LARP1B: variants seen among roughly 807,000 people sequenced by gnomAD.
The protein encoded by LARP1B is La ribonucleoprotein 1B.
LARP1B carries 76 observed loss-of-function variants against 114.2 expected under a neutral mutation model. The observed-to-expected ratio is 0.67, with a 90% confidence interval of 0.55 to 0.81. LARP1B has a LOEUF of 0.81. LARP1B is among the 30% of genes least tolerant of loss of function. The pLI is 0.00. For synonymous variants in LARP1B, 345 were observed against 348.0 expected (o/e 0.99, Z 0.10); for missense variants, 1,014 against 1,075.8 (o/e 0.94, Z 0.80).
At position 128,064,291 on chromosome 4, in the gene LARP1B, G is replaced by A. The variant is rs1169393329; in HGVS notation, c.-78+2890G>A. Among the ~76,000 whole-genome samples, 73 of 30,904 alleles carry A rather than the reference G, an allele frequency of 2.4e-3. 1 individual carries two copies. Among genetic ancestry groups the A allele is most frequent in the East Asian group, 4.1e-3 (4 of 984 alleles). 20.3% of individuals were successfully genotyped at this position (30,904 alleles called of 152,430 possible). A position where few individuals can be genotyped will look rare whatever the true frequency, so the allele number is the denominator to read the frequency against. ...AGTCTCAAAAAAAAAAAAAAAAAAAGTACGGTGATTGTTACAAGCACCCAT... is the reference window on the plus strand; with the variant it reads ...AGTCTCAAAAAAAAAAAAAAAAAAAATACGGTGATTGTTACAAGCACCCAT... On this transcript the variant is annotated intron_variant, in intron 1 of 19. Transcript: ENST00000326639.
intron 12 of LARP1B, among the ~76,000 whole-genome samples, chr4:128,164,358 G>A (rs1739795504): frequency 6.6e-6 from 1 of 151,982 alleles, no homozygotes; most frequent in African/African-American, 2.4e-5. Flanking sequence ...TGTTAAATTT[G>A]AATACTTTAA....
At chr4:128,093,146 C>T (rs1561167269) in intron 7 of LARP1B, 3 of 478,058 alleles carry the variant, frequency 6.3e-6, no homozygotes, top group Non-Finnish European at 8.2e-6. Flanking sequence ...GTTAGTAGAG[C>T]ACTAGGTTTA....
intron 9 of LARP1B, among the ~76,000 whole-genome samples, chr4:128,110,319 T>A (rs911257656): frequency 2.0e-5 from 3 of 152,058 alleles, no homozygotes; most frequent in African/African-American, 7.2e-5. Context: ...TAATATCAGG[T>A]AATCTAAGTC....
chr4:128,064,785 T>C (rs1223046554), intron 1 of LARP1B, among the ~76,000 whole-genome samples: 2 of 152,114 alleles, frequency 1.3e-5, no homozygotes, highest in Non-Finnish European at 2.9e-5. Flanking sequence ...TAGTTTTAGC[T>C]CCCTGGGAGG....
intron 15 of LARP1B, among the ~76,000 whole-genome samples, chr4:128,189,442 T>C (rs553912944): frequency 6.6e-6 from 1 of 150,740 alleles, no homozygotes; most frequent in East Asian, 2.0e-4. Context: ...AGGCAATATA[T>C]AGTTGGATCT....
intron 1 of LARP1B, among the ~76,000 whole-genome samples, chr4:128,066,910 G>A (rs1763177142): frequency 6.6e-6 from 1 of 150,616 alleles, no homozygotes; most frequent in Non-Finnish European, 1.5e-5. Flanking sequence ...CAATTCTCCT[G>A]CCTCAGTCTC....
intron 11 of LARP1B, among the ~76,000 whole-genome samples, chr4:128,160,587 CA>C (rs937995474): frequency 6.6e-6 from 1 of 151,980 alleles, no homozygotes; most frequent in African/African-American, 2.4e-5. Context: ...TAAACAAAAA[CA>C]TACACAACTT....
In LARP1B at chr4:128,172,937, ATGTGTG is replaced by A. The variant is rs57382183; in HGVS notation, c.1649-3905_1649-3900del. ...CAGAGTCTATTTTTAATCCCATCCA[ATGTGTG>A]TGTGTGTGTGTGTGTGTGTGTGTGT... On this transcript the variant is annotated intron_variant, in intron 12 of 19. Coordinates refer to ENST00000326639, the MANE Select transcript of LARP1B (RefSeq NM_018078.4). 3.1e-4 allele frequency among the ~76,000 whole-genome samples: 43 copies of A among 137,094 alleles called. 1 individual carries two copies. The highest frequency in any genetic ancestry group is 1.3e-3 in the East Asian group (6 of 4,714). 89.9% of individuals were successfully genotyped at this position (137,094 alleles called of 152,430 possible). A position where few individuals can be genotyped will look rare whatever the true frequency, so the allele number is the denominator to read the frequency against.
intron 17 of LARP1B, among the ~76,000 whole-genome samples, chr4:128,202,309 A>C (rs542833234): frequency 1.3e-5 from 2 of 152,308 alleles, no homozygotes; most frequent in African/African-American, 4.8e-5. Context: ...CCTATTCGTC[A>C]ATTGTAAAAT....
intron 10 of LARP1B, among the ~76,000 whole-genome samples, chr4:128,119,739 T>C (rs764444695): frequency 6.6e-6 from 1 of 152,204 alleles, no homozygotes; most frequent in Non-Finnish European, 1.5e-5. Context: ...TTATTATCAA[T>C]ACAATCCCAT....
chr4:128,132,449 T>C (rs1791869212), intron 11 of LARP1B, among the ~76,000 whole-genome samples: 1 of 152,112 alleles, frequency 6.6e-6, no homozygotes, highest in African/African-American at 2.4e-5. Context: ...TTTCACCATG[T>C]TGGCCAGGCT....
At position 128,118,332 on chromosome 4, in the gene LARP1B, T is replaced by C. The variant is rs971367508; in HGVS notation, c.1162-3494T>C. Among the ~76,000 whole-genome samples, 14 of 147,018 alleles carry C rather than the reference T, an allele frequency of 9.5e-5. No individual in the cohort carries two copies. In the East Asian group the frequency reaches 2.0e-3, roughly 21 times the overall value. Reference sequence around the variant, plus strand: ...CTGCAACCTTCACCTCCCGGGTTCATGCCATTCTCCTGCCTCAGCCTCCCA... The same window carrying C: ...CTGCAACCTTCACCTCCCGGGTTCACGCCATTCTCCTGCCTCAGCCTCCCA... On this transcript the variant is annotated intron_variant, in intron 10 of 19. Coordinates refer to ENST00000326639, the MANE Select transcript of LARP1B (RefSeq NM_018078.4).
At chr4:128,112,766 G>A (rs1561269869) in intron 9 of LARP1B, among the ~76,000 whole-genome samples, 1 of 152,000 alleles carries the variant, frequency 6.6e-6, no homozygotes, top group Admixed American at 6.6e-5. Context: ...GAGCCACCAC[G>A]CCCAGCTGTG....
chr4:128,109,717 T>A lies in LARP1B; in HGVS notation c.988+2404T>A, dbSNP rs549294319. Among the ~76,000 whole-genome samples the A allele has an allele frequency of 4.6e-5, 7 of 152,134 alleles. No individual in the cohort carries two copies. The South Asian group carries it at 1.4e-3, about 31-fold the overall frequency. On this transcript the variant is annotated intron_variant, in intron 9 of 19. Transcript: ENST00000326639. ...GTAGTGTTTTTCTTTCTTTTCTTTT[T>A]TTTTTCCCCTTGACTCTTAGCACCA...
At chr4:128,113,748 A>C (rs1251840234) in intron 9 of LARP1B, among the ~76,000 whole-genome samples, 1 of 149,972 alleles carries the variant, frequency 6.7e-6, no homozygotes, top group Non-Finnish European at 1.5e-5. Context: ...TGTTATTGCC[A>C]GGGCTGTGTG....
intron 11 of LARP1B, chr4:128,122,723 T>C: frequency 7.8e-7 from 1 of 1,280,456 alleles, no homozygotes; most frequent in Non-Finnish European, 9.8e-7. Context: ...TTATCTCTCT[T>C]GGTCTAGTCA....
rs67992602 is a variant in LARP1B at position 128,176,269 on chromosome 4, ATG to A, written c.1649-587_1649-586del. The stretch of plus-strand genomic sequence containing the variant: ...TATATACATTTATATATATACACAT[ATG>A]TGTGTGTGTGTGTGTATATATATAT... On this transcript the variant is annotated intron_variant, in intron 12 of 19. Coordinates refer to ENST00000326639, the MANE Select transcript of LARP1B (RefSeq NM_018078.4). 7.0e-4 allele frequency among the ~76,000 whole-genome samples: 80 copies of A among 113,982 alleles called. 1 individual carries two copies. Among genetic ancestry groups the A allele is most frequent in the Admixed American group, 1.1e-3 (13 of 11,520 alleles). The allele number at this position is 113,982 out of a possible 152,430, so 74.8% of individuals were successfully genotyped here. A position where few individuals can be genotyped will look rare whatever the true frequency, so the allele number is the denominator to read the frequency against.
At chr4:128,093,324 C>A (rs543146156) in intron 7 of LARP1B, among the ~76,000 whole-genome samples, 5 of 152,138 alleles carry the variant, frequency 3.3e-5, no homozygotes, top group African/African-American at 1.2e-4. Context: ...TGGCCAGGTG[C>A]GGTGGCTCAC....
At chr4:128,191,795 G>A (rs1752382653) in intron 15 of LARP1B, among the ~76,000 whole-genome samples, 1 of 151,820 alleles carries the variant, frequency 6.6e-6, no homozygotes, top group African/African-American at 2.4e-5. Flanking sequence ...CTTCTTATGG[G>A]TTGAGGCAGG....
Sources: gnomAD v4.1 joint callset for allele counts (sites outside exome capture counted in the v4.1 genomes callset) on GRCh38, gnomAD v4.1.1 for gene constraint, MANE v1.5 for transcripts, NCBI Gene and HGNC (gene_info 2026-07-23, HGNC 2026-07-21) for gene names.